EPHB1: variants seen among roughly 807,000 people sequenced by gnomAD.
EPHB1 encodes EPH receptor B1.
In EPHB1, 30 loss-of-function variants were observed where a neutral mutation model predicts 94.4. The ratio of observed to expected loss-of-function variants is 0.32; its 90% CI spans 0.24 to 0.43. EPHB1 has a LOEUF of 0.43. EPHB1 is among the 20% of genes least tolerant of loss of function. The probability of loss-of-function intolerance (pLI) is 1.00; values close to 1 mark genes in which losing one functional copy is unlikely to be tolerated. For missense variants in EPHB1, 1,055 were observed against 1,308.3 expected, an observed-to-expected ratio of 0.81 and a Z score of 2.99; for synonymous variants, 522 against 489.1, an observed-to-expected ratio of 1.07 and a Z score of -0.89.
chr3:134,818,014 C>T (rs372786904), intron 1 of EPHB1, among the ~76,000 whole-genome samples: 19 of 152,286 alleles, frequency 1.2e-4, no homozygotes, highest in African/African-American at 3.1e-4. Context: ...TGCTTTTCCC[C>T]GCCCCACTCC....
chr3:134,956,800 A>C (rs1248467130), intron 3 of EPHB1, among the ~76,000 whole-genome samples: 1 of 152,026 alleles, frequency 6.6e-6, no homozygotes, highest in South Asian at 2.1e-4. Context: ...GCTCTGAATC[A>C]CCCTTATTAA....
chr3:134,919,841 G>GGTGTGTGT (rs10663205), intron 1 of EPHB1, among the ~76,000 whole-genome samples: 1,934 of 149,740 alleles, frequency 0.013, 36 homozygotes, highest in African/African-American at 0.042. Context: ...TTAGGGCAGG[G>GGTGTGTGT]GTGTGTGTGT....
intron 12 of EPHB1, among the ~76,000 whole-genome samples, chr3:135,203,157 G>A (rs1014267422): frequency 3.5e-4 from 54 of 152,260 alleles, no homozygotes; most frequent in African/African-American, 1.3e-3. Flanking sequence ...TCATAAGTGG[G>A]AGTCGAACAA....
At chr3:135,156,544 C>T (rs1410553009) in intron 6 of EPHB1, among the ~76,000 whole-genome samples, 1 of 152,170 alleles carries the variant, frequency 6.6e-6, no homozygotes, top group East Asian at 1.9e-4. Context: ...AGCAGTTTAC[C>T]TCCCTGAAAG....
intron 9 of EPHB1, among the ~76,000 whole-genome samples, chr3:135,177,741 G>T (rs1483180442): frequency 6.6e-6 from 1 of 152,136 alleles, no homozygotes; most frequent in Non-Finnish European, 1.5e-5. Context: ...GGCTGCTTCT[G>T]GGGGAACCCA....
intron 1 of EPHB1, among the ~76,000 whole-genome samples, chr3:134,808,676 AG>A (rs1282586404): frequency 6.6e-6 from 1 of 152,216 alleles, no homozygotes; most frequent in East Asian, 1.9e-4. Flanking sequence ...GGAAACAGAA[AG>A]TGATGGGCAA....
chr3:135,193,844 C>T (rs1327542203), intron 11 of EPHB1, among the ~76,000 whole-genome samples: 1 of 152,246 alleles, frequency 6.6e-6, no homozygotes, highest in African/African-American at 2.4e-5. Flanking sequence ...ACCTCAGTGG[C>T]TTAGCACAAC....
In EPHB1 at chr3:135,247,396, C is replaced by T. The variant is rs181018011; in HGVS notation, c.2497-920C>T. 1.5e-3 allele frequency among the ~76,000 whole-genome samples: 235 copies of T among 152,254 alleles called. 3 individuals are homozygous for T. The highest frequency in any genetic ancestry group is 1.8e-4 in the Non-Finnish European group (12 of 68,020). ...GGATTTTTGTAGTATTACTTTAAGGCCTACATTGTATTTTAGGCCTTCTGT... is the reference window on the plus strand; with the variant it reads ...GGATTTTTGTAGTATTACTTTAAGGTCTACATTGTATTTTAGGCCTTCTGT... On this transcript the variant is annotated intron_variant, in intron 13 of 15. Transcript: ENST00000398015.
intron 3 of EPHB1, among the ~76,000 whole-genome samples, chr3:135,054,612 C>T (rs1402483266): frequency 6.6e-6 from 1 of 152,174 alleles, no homozygotes; most frequent in African/African-American, 2.4e-5. Context: ...ATCTGTGGGG[C>T]ACCTCAGACT....
At chr3:135,076,363 C>T (rs889731344) in intron 3 of EPHB1, among the ~76,000 whole-genome samples, 4 of 151,622 alleles carry the variant, frequency 2.6e-5, no homozygotes, top group African/African-American at 9.7e-5. Flanking sequence ...GATTTTTATA[C>T]ACATGAAAAT....
At chr3:134,882,765 C>CCTTTCTTTCTTTCTTTCTTTCTTTCTTT (rs1553861896) in intron 1 of EPHB1, among the ~76,000 whole-genome samples, 4 of 79,926 alleles carry the variant, frequency 5.0e-5, no homozygotes, top group African/African-American at 1.8e-4. Context: ...TTCCTTCCTT[C>CCTTTCTTTCTTTCTTTCTTTCTTTCTTT]CTTTCTTTCT....
chr3:135,133,003 C>T lies in EPHB1; in HGVS notation c.1251C>T (p.Pro417=), dbSNP rs1448691004. 1 of 1,607,888 alleles carries T rather than the reference C, an allele frequency of 6.2e-7. No homozygotes were observed. Among genetic ancestry groups the T allele is most frequent in the Non-Finnish European group, 8.5e-7 (1 of 1,175,052 alleles). The change falls in exon 5 of 16, where the codon CCC becomes CCT. Residue 417 remains proline (P), a synonymous_variant. Transcript: ENST00000398015. The stretch of plus-strand genomic sequence containing the variant: ...TCAATGGAGTCTCCAGCAAGAGTCC[C>T]TTCCCCCCACAGCACGTCTCTGTCA... ...QAINGVSSKS[P]FPPQHVSVNI... is the part of the protein sequence containing the mutation.
chr3:135,162,476 T>C (rs931755664), intron 7 of EPHB1, among the ~76,000 whole-genome samples: 3 of 152,188 alleles, frequency 2.0e-5, no homozygotes, highest in Admixed American at 2.0e-4. Context: ...CTTGCCTAGG[T>C]ATCCAGGTCC....
intron 5 of EPHB1, 79 bp from the exon 6 acceptor site, chr3:135,154,073 C>T (rs2107695030): frequency 6.4e-7 from 1 of 1,571,988 alleles, no homozygotes. Context: ...CATTTTTCTC[C>T]CTACGTACCT....
At chr3:135,101,628 C>T (rs144907746) in intron 3 of EPHB1, among the ~76,000 whole-genome samples, 88 of 152,160 alleles carry the variant, frequency 5.8e-4, no homozygotes, top group Admixed American at 3.8e-3. Flanking sequence ...GTGATCCACC[C>T]GCCTCGGCCT....
At chr3:134,923,492 C>A (rs947559611) in intron 1 of EPHB1, among the ~76,000 whole-genome samples, 4 of 152,240 alleles carry the variant, frequency 2.6e-5, no homozygotes, top group African/African-American at 7.2e-5. Context: ...GCCCTTTGGC[C>A]CCCCTGCGGT....
intron 4 of EPHB1, among the ~76,000 whole-genome samples, chr3:135,119,434 C>G (rs1020076614): frequency 1.3e-5 from 2 of 150,186 alleles, no homozygotes. Context: ...CTTATACTTT[C>G]TTTCATTTTC....
chr3:135,178,225 G>T (rs1029682095), intron 9 of EPHB1, among the ~76,000 whole-genome samples: 9 of 48,360 alleles, frequency 1.9e-4, no homozygotes, highest in African/African-American at 6.2e-4. Flanking sequence ...AGGCCGGGGA[G>T]GGGGGGTGGA....
chr3:134,837,646 T>C (rs767260911), intron 1 of EPHB1, among the ~76,000 whole-genome samples: 4 of 152,212 alleles, frequency 2.6e-5, no homozygotes, highest in Admixed American at 6.5e-5. Flanking sequence ...TGGGGGCTTC[T>C]TTAGGCCTTG....
Sources: gnomAD v4.1 joint callset for allele counts (sites outside exome capture counted in the v4.1 genomes callset) on GRCh38, gnomAD v4.1.1 for gene constraint, MANE v1.5 for transcripts, NCBI Gene and HGNC (gene_info 2026-07-23, HGNC 2026-07-21) for gene names.